Variants in RBFOX1 observed in about 807,000 individuals in gnomAD.
The protein encoded by RBFOX1 is RNA binding fox-1 homolog 1, also known as RNA binding protein fox-1 homolog 1.
RBFOX1 carries 8 observed loss-of-function variants against 57.7 expected under a neutral mutation model. The observed-to-expected ratio is 0.14, with a 90% CI of 0.08 to 0.25. The LOEUF (loss-of-function observed/expected upper bound fraction) is 0.25. Ranked by LOEUF, RBFOX1 falls within the 10% of genes least tolerant of loss-of-function variation. The pLI, the probability that RBFOX1 is intolerant of heterozygous loss-of-function variation, is 1.00. For missense variants in RBFOX1, 611 were observed against 548.5 expected (o/e 1.11, Z -1.14); for synonymous variants, 326 against 222.4 (o/e 1.47, Z -4.15).
intron 3 of RBFOX1, among the ~76,000 whole-genome samples, chr16:6,833,235 G>A (rs1026517644): frequency 2.0e-5 from 3 of 151,354 alleles, no homozygotes; most frequent in East Asian, 1.9e-4. Flanking sequence ...GTAAAATCTC[G>A]GCTCATTACA....
chr16:7,703,004 G>C (rs1292502067), intron 14 of RBFOX1, among the ~76,000 whole-genome samples: 1 of 152,216 alleles, frequency 6.6e-6, no homozygotes, highest in Admixed American at 6.5e-5. Flanking sequence ...CAGGGGGGTA[G>C]ACAGCAGAAC....
At chr16:5,333,042 G>T (rs1412023138) in intron 1 of RBFOX1, among the ~76,000 whole-genome samples, 4 of 152,198 alleles carry the variant, frequency 2.6e-5, no homozygotes, top group Admixed American at 6.5e-5. Context: ...AAAAAAATTA[G>T]CCGGGTGTGG....
rs571044554 is a variant in RBFOX1, at chr16:5,861,154, A to G, written c.319-6149A>G. ...GAGGTTGAGCAGAAGTGGATTTCCT[A>G]TCATGGAACCATGTAGGAGGATCTT... On this transcript the variant is annotated intron_variant, in intron 3 of 19. Transcript: ENST00000641259. 3.3e-5 allele frequency among the ~76,000 whole-genome samples: 5 copies of G among 152,288 alleles called. No individual in the cohort carries two copies. The East Asian group carries it at 5.8e-4, about 18-fold the overall frequency.
intron 4 of RBFOX1, among the ~76,000 whole-genome samples, chr16:7,199,918 C>G (rs566576579): frequency 4.4e-4 from 67 of 151,660 alleles, no homozygotes; most frequent in African/African-American, 1.6e-3. Flanking sequence ...AAAACAACAA[C>G]AACAACAACA....
intron 2 of RBFOX1, among the ~76,000 whole-genome samples, chr16:6,557,644 C>G (rs551487845): frequency 2.4e-4 from 36 of 152,298 alleles, no homozygotes; most frequent in Non-Finnish European, 4.1e-4. Flanking sequence ...CATTCTATCT[C>G]TGATGAAATG....
intron 3 of RBFOX1, among the ~76,000 whole-genome samples, chr16:6,828,936 C>G (rs996438185): frequency 6.6e-6 from 1 of 152,024 alleles, no homozygotes; most frequent in Admixed American, 6.6e-5. Flanking sequence ...TCTCTTGAGT[C>G]CGCCTACACT....
intron 3 of RBFOX1, among the ~76,000 whole-genome samples, chr16:5,759,959 T>C (rs1249800048): frequency 6.6e-6 from 1 of 151,636 alleles, no homozygotes; most frequent in Non-Finnish European, 1.5e-5. Flanking sequence ...GCACTGAAAA[T>C]GTAGGTTTCT....
At chr16:5,923,546 T>TC (rs1205033238) in intron 4 of RBFOX1, among the ~76,000 whole-genome samples, 3 of 128,590 alleles carry the variant, frequency 2.3e-5, no homozygotes, top group Non-Finnish European at 5.1e-5. Context: ...TTTTTTTTTT[T>TC]TTTTCTTTTT....
chr16:5,937,903 G>A (rs78728506), intron 4 of RBFOX1, among the ~76,000 whole-genome samples: 4,928 of 151,812 alleles, frequency 0.032, 302 homozygotes, highest in East Asian at 0.21. Context: ...GTGGTTTTCA[G>A]TTGACTTATT....
Position 6,316,368 on chromosome 16 carries a change from G to C in RBFOX1, c.-126-627G>C, listed in dbSNP as rs1053974253. 3.3e-5 allele frequency among the ~76,000 whole-genome samples: 5 copies of C among 152,172 alleles called. No homozygotes were observed. In the East Asian group the frequency reaches 9.6e-4, roughly 29 times the overall value. On this transcript the variant is annotated intron_variant, in intron 1 of 15. Transcript: ENST00000550418. ...ATCTCACTCCCTGTGATTGGGTGAT[G>C]ATAGCCATATTTATGAAATTTATTA...
At chr16:7,183,660 A>G (rs897073514) in intron 4 of RBFOX1, among the ~76,000 whole-genome samples, 3 of 152,220 alleles carry the variant, frequency 2.0e-5, no homozygotes, top group African/African-American at 4.8e-5. Flanking sequence ...ATGAGAATAC[A>G]GAACCAGATG....
rs8050805 is a variant in RBFOX1, at chr16:6,454,110, G to A, written c.-64+137053G>A. On this transcript the variant is annotated intron_variant, in intron 2 of 15. Transcript: ENST00000550418. Reference sequence around the variant, plus strand: ...TCTTGCAAAGGCAGCAGTCATGTTGGATGAGGGCCCACCCTATGACCTCGT... The same window carrying A: ...TCTTGCAAAGGCAGCAGTCATGTTGAATGAGGGCCCACCCTATGACCTCGT... Among the ~76,000 whole-genome samples the A allele has an allele frequency of 1.5e-3, 227 of 152,272 alleles. 1 individual carries two copies. The highest frequency in any genetic ancestry group is 6.8e-3 in the Middle Eastern group (2 of 294).
chr16:7,651,188 C>T (rs1241956746), intron 11 of RBFOX1, among the ~76,000 whole-genome samples: 5 of 152,162 alleles, frequency 3.3e-5, no homozygotes, highest in Admixed American at 3.3e-4. Context: ...CGGTAGAATC[C>T]ATAGAACAGG....
intron 2 of RBFOX1, among the ~76,000 whole-genome samples, chr16:6,555,568 C>G (rs919664461): frequency 2.0e-5 from 3 of 151,906 alleles, no homozygotes; most frequent in Non-Finnish European, 2.9e-5. Context: ...GGCGTGGTGG[C>G]GGGCGCCTGT....
chr16:7,563,824 AGAG>A (rs35545565), intron 5 of RBFOX1, among the ~76,000 whole-genome samples: 49,204 of 151,938 alleles, frequency 0.32, 9,681 homozygotes, highest in East Asian at 0.63. Flanking sequence ...TGCAACAAGA[AGAG>A]GAGAAGAAAG....
intron 4 of RBFOX1, among the ~76,000 whole-genome samples, chr16:7,298,094 T>C (rs1397536310): frequency 2.0e-5 from 3 of 152,092 alleles, no homozygotes; most frequent in Non-Finnish European, 4.4e-5. Flanking sequence ...TTCTTAGAGA[T>C]TTTTCCAAGG....
At chr16:7,255,860 C>G (rs1043766821) in intron 4 of RBFOX1, among the ~76,000 whole-genome samples, 7 of 152,168 alleles carry the variant, frequency 4.6e-5, no homozygotes, top group African/African-American at 1.4e-4. Context: ...AGATCAGTCA[C>G]ATTTCATGTG....
At chr16:7,030,807 G>C (rs1357901590) in intron 3 of RBFOX1, among the ~76,000 whole-genome samples, 2 of 152,078 alleles carry the variant, frequency 1.3e-5, no homozygotes, top group African/African-American at 2.4e-5. Context: ...TAAGAGGCAG[G>C]TCCAGGACTT....
chr16:6,214,571 G>T (rs371233601), intron 1 of RBFOX1, among the ~76,000 whole-genome samples: 1 of 110,206 alleles, frequency 9.1e-6, no homozygotes, highest in East Asian at 3.2e-4. Context: ...AGGGAGGGGG[G>T]AGAGGCAAAG....
Sources: gnomAD v4.1 joint callset for allele counts (sites outside exome capture counted in the v4.1 genomes callset) on GRCh38, gnomAD v4.1.1 for gene constraint, MANE v1.5 for transcripts, NCBI Gene and HGNC (gene_info 2026-07-23, HGNC 2026-07-21) for gene names.